The following IDE variants were observed in gnomAD, a reference collection of about 807,000 sequenced individuals.
IDE encodes insulin degrading enzyme.
A neutral mutation model predicts 133.2 loss-of-function variants in IDE; 58 were observed. The observed-to-expected ratio is 0.44, with a 90% confidence interval of 0.35 to 0.54. IDE has a LOEUF of 0.54. IDE is among the 20% of genes least tolerant of loss of function. The pLI, the probability that IDE is intolerant of heterozygous loss-of-function variation, is 0.00. For missense variants in IDE, 981 were observed against 1,234.0 expected (o/e 0.79, Z 3.07); for synonymous variants, 396 against 421.3 (o/e 0.94, Z 0.73).
chr10:92,511,412 C>CT (rs1247022844), intron 5 of IDE, among the ~76,000 whole-genome samples: 2 of 152,104 alleles, frequency 1.3e-5, no homozygotes, highest in East Asian at 3.9e-4. Context: ...CAAAACCTGT[C>CT]TTTTTATAAA....
intron 11 of IDE, among the ~76,000 whole-genome samples, chr10:92,497,090 C>T (rs80150005): frequency 0.019 from 2,942 of 152,318 alleles, 44 homozygotes; most frequent in Admixed American, 0.052. Context: ...GTCGTTATCA[C>T]TAGGACTTTC....
Position 92,463,827 on chromosome 10 carries a change from AT to A in IDE, c.2664del (p.Leu889Ter). 1 of 1,614,148 alleles carries A rather than the reference AT, an allele frequency of 6.2e-7. No homozygotes were observed. The highest frequency in any genetic ancestry group is 8.5e-7 in the Non-Finnish European group (1 of 1,179,974). ...TEEAFQKHIQ[A>X]LAIRRLDKPK... is the part of the protein sequence containing the mutation. ...GGTTTGTCTAGTCGACGAATTGCTA[AT>A]GCCTGAATGTGTTTTTGGAAGGCCT... On this transcript the variant is annotated frameshift_variant, in exon 21 of 25. Transcript: ENST00000265986. LOFTEE classifies it high-confidence loss of function.
rs1258365662 is a variant in IDE, at chr10:92,515,622, C to T, written c.662-580G>A. Among the ~76,000 whole-genome samples the T allele has an allele frequency of 4.6e-4, 51 of 110,022 alleles. 1 individual carries two copies. Among genetic ancestry groups the T allele is most frequent in the African/African-American group, 1.4e-3 (40 of 28,486 alleles). The allele number at this position is 110,022 out of a possible 152,430, so 72.2% of individuals were successfully genotyped here. ...TATTGCTCAGGCTGGAGTGCAATGGCGTGATCTCGGCTCACCCCAACCTCC... is the reference window on the plus strand; with the variant it reads ...TATTGCTCAGGCTGGAGTGCAATGGTGTGATCTCGGCTCACCCCAACCTCC... On this transcript the variant is annotated intron_variant, in intron 4 of 24. Transcript: ENST00000265986.
In IDE at chr10:92,479,420, G is replaced by C. The variant is rs1435960802; in HGVS notation, c.1741C>G (p.Pro581Ala). Residue 581 changes from proline (P) to alanine (A), a missense_variant and splice_region_variant, in exon 15 of 25, where the codon CCA (proline) becomes GCA (alanine). This residue lies in a region of IDE where 660 missense variants were observed against 894.7 expected (regional missense o/e 0.74). Transcript: ENST00000265986. The stretch of plus-strand genomic sequence containing the variant: ...TGCAAGGGGTCCACATAAGCAAATG[G>C]GCTGGAAGAAAATGTTGACAGTAAA... ...KACLNFEFFS[P>A]FAYVDPLHCN... 1 of 1,597,970 alleles carries C rather than the reference G, an allele frequency of 6.3e-7. No homozygotes were observed. Among genetic ancestry groups the C allele is most frequent in the Non-Finnish European group, 8.6e-7 (1 of 1,167,304 alleles).
At chr10:92,501,923 C>T (rs777731448) in intron 11 of IDE, among the ~76,000 whole-genome samples, 14 of 151,974 alleles carry the variant, frequency 9.2e-5, no homozygotes, top group Non-Finnish European at 1.6e-4. Flanking sequence ...TGCAGTAAGC[C>T]GAGATTGCAC....
intron 4 of IDE, among the ~76,000 whole-genome samples, chr10:92,516,185 C>CA (rs759416042): frequency 0.15 from 19,351 of 125,194 alleles, 1,355 homozygotes; most frequent in Admixed American, 0.24. Context: ...AACTCCGTCT[C>CA]AAAAAAAAAA....
chr10:92,467,642 T>C (rs1845762497), intron 19 of IDE, among the ~76,000 whole-genome samples: 1 of 152,194 alleles, frequency 6.6e-6, no homozygotes, highest in South Asian at 2.1e-4. Context: ...CTTTGAAATA[T>C]TGTTTCTACA....
At chr10:92,547,661 A>T (rs1231953054) in intron 1 of IDE, among the ~76,000 whole-genome samples, 1 of 152,196 alleles carries the variant, frequency 6.6e-6, no homozygotes, top group Non-Finnish European at 1.5e-5. Context: ...GGAATGCTCA[A>T]CCTGTATTCT....
At position 92,470,321 on chromosome 10, in the gene IDE, G is replaced by A; in HGVS notation, c.2141C>T (p.Ala714Val). The A allele has an allele frequency of 6.2e-7, 1 of 1,604,450 alleles. No individual in the cohort carries two copies. Among genetic ancestry groups the A allele is most frequent in the Non-Finnish European group, 8.5e-7 (1 of 1,174,768 alleles). Residue 714 changes from alanine (A) to valine (V), a missense_variant, in exon 18 of 25, where the codon GCC (alanine) becomes GTC (valine). Coordinates refer to ENST00000265986, the MANE Select transcript of IDE (RefSeq NM_004969.4). ...LDDVTLPRLK[A>V]FIPQLLSRLH... ...CCGTGACAGGAGCTGAGGTATGAAG[G>A]CCTTAAGGCGAGGAAGGGTTACATC...
intron 4 of IDE, among the ~76,000 whole-genome samples, chr10:92,520,820 T>C (rs1849183740): frequency 6.6e-6 from 1 of 152,220 alleles, no homozygotes. Flanking sequence ...GGTCCAGCTC[T>C]TGTTTTCAGT....
Position 92,490,487 on chromosome 10 carries a change from C to T in IDE, c.1533+6G>A. On this transcript the variant is annotated splice_donor_region_variant and intron_variant, in intron 12 of 24. Transcript: ENST00000265986. ...TCAGGCTTATTCATAGATGAGTTAACCCTACCTTGATGACTTCATCCGGTA... is the reference window on the plus strand; with the variant it reads ...TCAGGCTTATTCATAGATGAGTTAATCCTACCTTGATGACTTCATCCGGTA... The T allele has an allele frequency of 6.5e-7, 1 of 1,535,626 alleles. No homozygotes were observed. The highest frequency in any genetic ancestry group is 9.0e-7 in the Non-Finnish European group (1 of 1,109,576).
chr10:92,458,054 A>G (rs1433055963), intron 22 of IDE, among the ~76,000 whole-genome samples: 1 of 152,150 alleles, frequency 6.6e-6, no homozygotes, highest in African/African-American at 2.4e-5. Context: ...GTCTACCCAC[A>G]TCAGCAGACA....
chr10:92,518,575 C>T lies in IDE; in HGVS notation c.662-3533G>A, dbSNP rs534597199. On this transcript the variant is annotated intron_variant, in intron 4 of 24. Transcript: ENST00000265986. ...ATCCTACTACATAGTAATTCCACTC[C>T]TGGATATATGTATCCAGAGAAGTCT... Among the ~76,000 whole-genome samples, 11 of 152,290 alleles carry T rather than the reference C, an allele frequency of 7.2e-5. No homozygotes were observed. In the East Asian group the frequency reaches 2.1e-3, roughly 29 times the overall value.
intron 1 of IDE, 149 bp downstream of exon 1, chr10:92,573,773 G>A: frequency 1.7e-6 from 1 of 576,540 alleles, no homozygotes; most frequent in Non-Finnish European, 2.8e-6. Context: ...GGCGGCCTCA[G>A]CGCGGCAGTA....
chr10:92,493,456 G>A (rs1242946792), intron 11 of IDE, among the ~76,000 whole-genome samples: 1 of 150,326 alleles, frequency 6.7e-6, no homozygotes, highest in Non-Finnish European at 1.5e-5. Context: ...GAGTGGACTT[G>A]CCCTCTGAAA....
chr10:92,463,217 C>T lies in IDE; in HGVS notation c.2761+514G>A, dbSNP rs116307169. Among the ~76,000 whole-genome samples the T allele has an allele frequency of 3.4e-3, 517 of 152,280 alleles. 2 individuals are homozygous for T. The highest frequency in any genetic ancestry group is 0.012 in the African/African-American group (491 of 41,562). Reference sequence around the variant, plus strand: ...TAGCACAATCCGTTGTTAATCTATGCTCTAGAAGCAAGGTGAAAGGAAGCT... The same window carrying T: ...TAGCACAATCCGTTGTTAATCTATGTTCTAGAAGCAAGGTGAAAGGAAGCT... On this transcript the variant is annotated intron_variant, in intron 21 of 24. Coordinates refer to ENST00000265986, the MANE Select transcript of IDE (RefSeq NM_004969.4).
intron 4 of IDE, among the ~76,000 whole-genome samples, chr10:92,524,390 TTTATATA>T (rs1849438582): frequency 1.1e-5 from 1 of 89,170 alleles, no homozygotes; most frequent in African/African-American, 4.6e-5. Flanking sequence ...TATAATATAT[TTTATATA>T]ATATATAATA....
chr10:92,465,992 T>C, intron 19 of IDE, 149 bp from the exon 20 acceptor site: 2 of 691,016 alleles, frequency 2.9e-6, no homozygotes, highest in South Asian at 3.6e-5. Context: ...TTTCATTGAT[T>C]TCACTTTTCT....
chr10:92,460,221 G>C (rs1845297455), intron 22 of IDE, among the ~76,000 whole-genome samples: 1 of 152,098 alleles, frequency 6.6e-6, no homozygotes, highest in African/African-American at 2.4e-5. Context: ...GTGAGCGCAA[G>C]CATGTAAAAC....
Sources: gnomAD v4.1 joint callset for allele counts (sites outside exome capture counted in the v4.1 genomes callset) on GRCh38, gnomAD v4.1.1 for gene constraint, gnomAD v4.1.1 regional missense constraint, MANE v1.5 for transcripts, NCBI Gene and HGNC (gene_info 2026-07-23, HGNC 2026-07-21) for gene names.